The following ITSN2 variants were observed in gnomAD, a reference collection of about 807,000 sequenced individuals.
The protein encoded by ITSN2 is intersectin-2.
ITSN2 carries 156 observed loss-of-function variants against 243.7 expected under a neutral mutation model. That is an observed-to-expected ratio of 0.64 (90% CI 0.56 to 0.73). ITSN2 has a LOEUF of 0.73. Ranked by LOEUF, ITSN2 falls within the 30% of genes least tolerant of loss-of-function variation. The pLI, the probability that ITSN2 is intolerant of heterozygous loss-of-function variation, is 0.00. For missense variants in ITSN2, 1,801 were observed against 1,996.1 expected (o/e 0.90, Z 1.86); for synonymous variants, 703 against 699.9 (o/e 1.00, Z -0.07).
intron 27 of ITSN2, 104 bp downstream of exon 27, chr2:24,248,525 G>T: frequency 1.2e-6 from 1 of 853,642 alleles, no homozygotes; most frequent in South Asian, 2.3e-5. Flanking sequence ...CCTCTAAGTG[G>T]AATGATTATG....
intron 29 of ITSN2, among the ~76,000 whole-genome samples, chr2:24,235,129 C>T (rs1288345505): frequency 6.6e-6 from 1 of 151,992 alleles, no homozygotes; most frequent in East Asian, 1.9e-4. Flanking sequence ...TGTGGTATAC[C>T]CAGACAACGG....
chr2:24,331,979 C>A (rs1574341279), intron 1 of ITSN2, among the ~76,000 whole-genome samples: 2 of 152,226 alleles, frequency 1.3e-5, no homozygotes, highest in Non-Finnish European at 2.9e-5. Flanking sequence ...CGCAGTGGTT[C>A]ATGCCTGTAA....
intron 22 of ITSN2, among the ~76,000 whole-genome samples, chr2:24,260,853 G>A (rs553316267): frequency 1.1e-3 from 155 of 140,612 alleles, no homozygotes; most frequent in Admixed American, 2.7e-3. Context: ...GCAGTGAGCC[G>A]AGACTGCACC....
intron 29 of ITSN2, among the ~76,000 whole-genome samples, chr2:24,245,849 C>T (rs1041730331): frequency 1.3e-5 from 2 of 152,128 alleles, no homozygotes; most frequent in African/African-American, 4.8e-5. Flanking sequence ...TAAAAAGAAG[C>T]TGCAGTATAG....
intron 29 of ITSN2, among the ~76,000 whole-genome samples, chr2:24,235,438 C>T (rs1672054946): frequency 6.6e-6 from 1 of 152,134 alleles, no homozygotes; most frequent in South Asian, 2.1e-4. Flanking sequence ...TACAATCCCA[C>T]AGAATGCACA....
chr2:24,271,870 C>T lies in ITSN2; in HGVS notation c.2153G>A (p.Arg718Gln), dbSNP rs551809311. The T allele has an allele frequency of 2.7e-5, 43 of 1,608,142 alleles. No homozygotes were observed. The East Asian group carries it at 4.5e-4, about 17-fold the overall frequency. The change falls in exon 19 of 40, where the codon CGA becomes CAA. Residue 718 changes from arginine (R) to glutamine (Q), a missense_variant. Around this residue, in one of 5 missense-constraint regions of ITSN2, gnomAD observed 787 missense variants for 803.9 expected, o/e 0.98. Transcript: ENST00000355123. ...LRKEEEEKQK[R>Q]LQEEKTQEKI... is the part of the protein sequence containing the mutation. The stretch of plus-strand genomic sequence containing the variant: ...TTCTTGTGTTTTTTCTTCCTGGAGT[C>T]GCTTTTGTTTTTCTTCTTCCTCCTT...
In ITSN2 at chr2:24,298,824, A is replaced by G; in HGVS notation, c.1345-10T>C. On this transcript the variant is annotated splice_polypyrimidine_tract_variant and intron_variant, in intron 12 of 39. Transcript: ENST00000355123. ...GTTCCTGTTTTGCTGCCTGAAAAAA[A>G]AAAGGAATTATACTTAATTTTTAAA... is the stretch of plus-strand genomic sequence containing the variant. 1 of 1,577,984 alleles carries G rather than the reference A, an allele frequency of 6.3e-7. No individual in the cohort carries two copies.
At chr2:24,326,499 A>G (rs990814929) in intron 2 of ITSN2, among the ~76,000 whole-genome samples, 1 of 152,218 alleles carries the variant, frequency 6.6e-6, no homozygotes, top group Non-Finnish European at 1.5e-5. Flanking sequence ...GGGCATAAAA[A>G]TCCTCAAACT....
chr2:24,334,854 G>C, intron 1 of ITSN2: 3 of 626,988 alleles, frequency 4.8e-6, no homozygotes, highest in Non-Finnish European at 8.2e-6. Flanking sequence ...ACGAGGTCAG[G>C]AGATCGAGAC....
chr2:24,211,651 C>T lies in ITSN2; in HGVS notation c.4090-704G>A, dbSNP rs199885196. ...TCTAAAATGCAGAACAGCCTGAGAG[C>T]CTAAAGTTTTTATTCAGTACCCATT... is the stretch of plus-strand genomic sequence containing the variant. On this transcript the variant is annotated intron_variant, in intron 33 of 39. Coordinates refer to ENST00000355123, the MANE Select transcript of ITSN2 (RefSeq NM_006277.3). This position sits in a 1 kb window ranked among gnomAD's most constrained non-coding sequence, Gnocchi z 4.1. Among the ~76,000 whole-genome samples the T allele has an allele frequency of 2.6e-5, 4 of 152,080 alleles. No homozygotes were observed. The East Asian group carries it at 7.7e-4, about 29-fold the overall frequency.
At chr2:24,299,245 T>C (rs1001146771) in intron 12 of ITSN2, among the ~76,000 whole-genome samples, 6 of 152,008 alleles carry the variant, frequency 3.9e-5, no homozygotes, top group Admixed American at 6.6e-5. Flanking sequence ...GTTGCCCAGG[T>C]TGGAAGACCA....
rs1271736632 is a variant in ITSN2, at chr2:24,254,448, C to CA, written c.2889-18dup. 6.6e-7 allele frequency: 1 copy of CA among 1,503,942 alleles called. No individual in the cohort carries two copies. The highest frequency in any genetic ancestry group is 1.1e-5 in the South Asian group (1 of 87,750). 93.2% of individuals were successfully genotyped at this position (1,503,942 alleles called of 1,614,324 possible). Reference sequence around the variant, plus strand: ...GCTTCTGGTCTACCAAATATATAAACAAACAAACAAACAAACAAACAAATA... The same window carrying CA: ...GCTTCTGGTCTACCAAATATATAAACAAAACAAACAAACAAACAAACAAATA... On this transcript the variant is annotated splice_polypyrimidine_tract_variant and intron_variant, in intron 23 of 39. Coordinates refer to ENST00000355123, the MANE Select transcript of ITSN2 (RefSeq NM_006277.3).
At chr2:24,274,384 AC>A (rs1677761847) in intron 18 of ITSN2, among the ~76,000 whole-genome samples, 1 of 152,168 alleles carries the variant, frequency 6.6e-6, no homozygotes, top group African/African-American at 2.4e-5. Context: ...GGCCTGAGCA[AC>A]ACAGAGAGGC....
Position 24,302,032 on chromosome 2 carries a change from C to G in ITSN2, c.928G>C (p.Asp310His). The G allele has an allele frequency of 6.2e-7, 1 of 1,613,194 alleles. No homozygotes were observed. Among genetic ancestry groups the G allele is most frequent in the Non-Finnish European group, 8.5e-7 (1 of 1,179,414 alleles). The change falls in exon 10 of 40, where the codon GAC becomes CAC. Residue 310 changes from aspartate to histidine, a missense_variant. Transcript: ENST00000355123. ...AATGGCTGTCCAGCTTTGGCCATGT[C>G]AGTAAGGTGCATTGCAAGAATAAAC... ...EEFILAMHLT[D>H]MAKAGQPLPL...
At chr2:24,241,661 A>C (rs1407644349) in intron 29 of ITSN2, 1 of 152,660 alleles carries the variant, frequency 6.6e-6, no homozygotes, top group Non-Finnish European at 1.5e-5. Flanking sequence ...GCATATTACA[A>C]AGTAATAAAC....
At chr2:24,345,841 GTCTT>G (rs1401041949) in intron 1 of ITSN2, among the ~76,000 whole-genome samples, 1 of 151,828 alleles carries the variant, frequency 6.6e-6, no homozygotes, top group Non-Finnish European at 1.5e-5. Flanking sequence ...AAATTTGTTG[GTCTT>G]TCTTTTATGA....
rs779009903 is a variant in ITSN2, at chr2:24,261,253, G to A, written c.2538-3C>T. The A allele has an allele frequency of 6.2e-7, 1 of 1,602,146 alleles. No individual in the cohort carries two copies. ...CTGGTTGATTTGAAGAAAGTGGTCT[G>A]CAAATATAACACTTTGATATAAGTA... is the stretch of plus-strand genomic sequence containing the variant. On this transcript the variant is annotated splice_polypyrimidine_tract_variant and splice_region_variant and intron_variant, in intron 21 of 39. Coordinates refer to ENST00000355123, the MANE Select transcript of ITSN2 (RefSeq NM_006277.3).
At chr2:24,279,732 T>C (rs1040987467) in intron 17 of ITSN2, among the ~76,000 whole-genome samples, 7 of 141,874 alleles carry the variant, frequency 4.9e-5, no homozygotes, top group African/African-American at 7.9e-5. Context: ...TTTTCTTTTT[T>C]TTTTTTTTTT....
chr2:24,317,309 G>A lies in ITSN2; in HGVS notation c.32-2085C>T, dbSNP rs536849495. Among the ~76,000 whole-genome samples the A allele has an allele frequency of 5.9e-5, 9 of 152,098 alleles. No homozygotes were observed. The East Asian group carries it at 1.2e-3, about 20-fold the overall frequency. ...TGAGGCAAGAGGATCATTTGAACCCGGGAGGTGGAGGTTGCAGTGAGCTGA... is the reference window on the plus strand; with the variant it reads ...TGAGGCAAGAGGATCATTTGAACCCAGGAGGTGGAGGTTGCAGTGAGCTGA... On this transcript the variant is annotated intron_variant, in intron 2 of 39. Transcript: ENST00000355123.
Sources: gnomAD v4.1 joint callset for allele counts (sites outside exome capture counted in the v4.1 genomes callset) on GRCh38, gnomAD v4.1.1 for gene constraint, gnomAD v4.1.1 regional missense constraint, Gnocchi (gnomAD v3.1) non-coding constraint, MANE v1.5 for transcripts, NCBI Gene and HGNC (gene_info 2026-07-23, HGNC 2026-07-21) for gene names.